The following HYDIN variants were observed in gnomAD, a reference collection of about 807,000 sequenced individuals.
HYDIN encodes HYDIN axonemal central pair apparatus protein.
HYDIN carries 132 observed loss-of-function variants against 403.9 expected under a neutral mutation model. The ratio of observed to expected loss-of-function variants is 0.33; its 90% CI spans 0.28 to 0.38. The LOEUF (loss-of-function observed/expected upper bound fraction) is 0.38. Among genes scored for constraint, HYDIN ranks in the 10% least tolerant of loss-of-function variants. The probability of loss-of-function intolerance (pLI) is 1.00; values close to 1 mark genes in which losing one functional copy is unlikely to be tolerated. For synonymous variants in HYDIN, 1,202 were observed against 1,891.7 expected, an observed-to-expected ratio of 0.64 and a Z score of 9.46; for missense variants, 2,827 against 5,009.5, an observed-to-expected ratio of 0.56 and a Z score of 13.15.
chr16:71,152,040 CA>C (rs1372548605), intron 7 of HYDIN, among the ~76,000 whole-genome samples: 1 of 151,700 alleles, frequency 6.6e-6, no homozygotes, highest in Non-Finnish European at 1.5e-5. Context: ...ACAAATATCA[CA>C]ATAAGTCAAA....
At chr16:71,021,254 T>C (rs2080481242) in intron 21 of HYDIN, among the ~76,000 whole-genome samples, 1 of 151,794 alleles carries the variant, frequency 6.6e-6, no homozygotes, top group Admixed American at 6.6e-5. Flanking sequence ...TCTTGCTCTG[T>C]TGCCCAGGCT....
chr16:71,125,352 T>C (rs1335381965), intron 9 of HYDIN, among the ~76,000 whole-genome samples: 1 of 152,186 alleles, frequency 6.6e-6, no homozygotes, highest in Non-Finnish European at 1.5e-5. Flanking sequence ...AAATTCAACA[T>C]GTTCAGAGCC....
intron 1 of HYDIN, among the ~76,000 whole-genome samples, chr16:71,204,996 T>C (rs754070489): frequency 2.0e-5 from 3 of 151,980 alleles, no homozygotes; most frequent in Non-Finnish European, 4.4e-5. Flanking sequence ...GACCAAACAA[T>C]AAAAGAAATC....
intron 5 of HYDIN, among the ~76,000 whole-genome samples, chr16:71,171,365 C>G (rs1473653271): frequency 6.6e-6 from 1 of 152,170 alleles, no homozygotes; most frequent in East Asian, 1.9e-4. Flanking sequence ...ATTCCCTACC[C>G]CCTACTATGT....
chr16:71,188,521 AAAG>A (rs1457391253), intron 1 of HYDIN, among the ~76,000 whole-genome samples: 2 of 152,232 alleles, frequency 1.3e-5, no homozygotes, highest in Admixed American at 6.5e-5. Flanking sequence ...TTAACAACAC[AAAG>A]AAGAATATTT....
chr16:71,135,088 A>G (rs536864363), intron 8 of HYDIN, among the ~76,000 whole-genome samples: 34 of 152,200 alleles, frequency 2.2e-4, no homozygotes, highest in African/African-American at 8.2e-4. Context: ...TTTCAAGTCT[A>G]TTAGTTAAAA....
chr16:71,185,023 T>A (rs3785347), intron 2 of HYDIN, 33 bp from the exon 3 acceptor site: 914,687 of 1,512,668 alleles, frequency 0.6, 285,053 homozygotes, highest in African/African-American at 0.93. Flanking sequence ...CCAAAGATTC[T>A]TAAGTGGATG....
chr16:70,948,098 C>A (rs2077938160), intron 41 of HYDIN, among the ~76,000 whole-genome samples: 1 of 150,808 alleles, frequency 6.6e-6, no homozygotes. Flanking sequence ...GGTACTGGTA[C>A]CAAAACAGAG....
chr16:70,866,762 G>A (rs890303612), intron 66 of HYDIN, among the ~76,000 whole-genome samples: 20 of 149,296 alleles, frequency 1.3e-4, no homozygotes, highest in Non-Finnish European at 2.4e-4. Context: ...GGTGGCTCAC[G>A]GCCCATAATC....
chr16:71,108,332 C>CA (rs1355336179), intron 10 of HYDIN, among the ~76,000 whole-genome samples: 1 of 151,918 alleles, frequency 6.6e-6, no homozygotes, highest in Non-Finnish European at 1.5e-5. Context: ...AGAACAAAAA[C>CA]AAAAAACAAC....
chr16:71,079,973 T>G, intron 12 of HYDIN, 21 bp from the exon 13 acceptor site: 1 of 804,538 alleles, frequency 1.2e-6, no homozygotes. Context: ...GAATACAAGG[T>G]GGGGGAGAGG....
chr16:70,841,271 A>G (rs535579190), intron 75 of HYDIN, among the ~76,000 whole-genome samples: 1 of 152,266 alleles, frequency 6.6e-6, no homozygotes, highest in Admixed American at 6.5e-5. Flanking sequence ...AAAAGGATGT[A>G]AATTTATCAT....
intron 10 of HYDIN, among the ~76,000 whole-genome samples, chr16:71,097,937 C>T (rs2083322047): frequency 6.6e-6 from 1 of 152,114 alleles, no homozygotes; most frequent in Admixed American, 6.5e-5. Flanking sequence ...TCTTCTGTTG[C>T]TGTTTAGCTT....
intron 19 of HYDIN, chr16:71,031,464 G>A (rs79784698): frequency 0.051 from 54,201 of 1,053,582 alleles, no homozygotes; most frequent in African/African-American, 0.16. Context: ...CGGATGTAGA[G>A]GGACACGGAT....
At position 70,918,258 on chromosome 16, in the gene HYDIN, C is replaced by CT. The variant is rs796610608; in HGVS notation, c.7956dup (p.Glu2653ArgfsTer26). On this transcript the variant is annotated frameshift_variant, in exon 47 of 86. Transcript: ENST00000393567. LOFTEE classifies it high-confidence loss of function. ...AAAAAGTCTGATTCTATTTCCATTT[C>CT]TTTTTTTTCATCCAGAGATATATCT... The CT allele has an allele frequency of 1.7e-5, 11 of 647,760 alleles. No individual in the cohort carries two copies. Among genetic ancestry groups the CT allele is most frequent in the Non-Finnish European group, 2.4e-5 (9 of 372,254 alleles). 40.1% of individuals were successfully genotyped at this position (647,760 alleles called of 1,614,324 possible). A position where few individuals can be genotyped will look rare whatever the true frequency, so the allele number is the denominator to read the frequency against.
At chr16:71,200,298 C>A (rs965772868) in intron 1 of HYDIN, among the ~76,000 whole-genome samples, 1 of 152,188 alleles carries the variant, frequency 6.6e-6, no homozygotes, top group Admixed American at 6.5e-5. Context: ...AATAAACTTG[C>A]TTTCAGTTTA....
intron 53 of HYDIN, among the ~76,000 whole-genome samples, chr16:70,897,290 G>T (rs755558286): frequency 1.3e-5 from 2 of 152,120 alleles, no homozygotes; most frequent in Non-Finnish European, 2.9e-5. Context: ...AGCTCTCCTG[G>T]GTCTGCTCTG....
chr16:71,191,078 G>A (rs1474916624), intron 1 of HYDIN, among the ~76,000 whole-genome samples: 1 of 152,036 alleles, frequency 6.6e-6, no homozygotes, highest in African/African-American at 2.4e-5. Flanking sequence ...GACCTTGTTT[G>A]GATTATGATT....
intron 66 of HYDIN, among the ~76,000 whole-genome samples, 181 bp from the exon 67 acceptor site, chr16:70,866,510 G>A (rs1457460368): frequency 6.6e-6 from 1 of 152,078 alleles, no homozygotes; most frequent in Non-Finnish European, 1.5e-5. Context: ...AAGGGATCTA[G>A]TAAGATTAGT....
Sources: allele counts gnomAD v4.1 joint callset (sites outside exome capture counted in the v4.1 genomes callset), GRCh38; gene constraint gnomAD v4.1.1; transcripts MANE v1.5; gene names NCBI Gene and HGNC (gene_info 2026-07-23, HGNC 2026-07-21).